The following EYS variants were observed in gnomAD, a reference collection of about 807,000 sequenced individuals.
The protein encoded by EYS is EGF-like photoreceptor maintenance factor, also known as protein eyes shut homolog.
A neutral mutation model predicts 282.1 loss-of-function variants in EYS; 250 were observed. The observed-to-expected ratio is 0.89, with a 90% CI of 0.80 to 0.98. EYS has a LOEUF of 0.98. Ranked by LOEUF, EYS falls within the 50% of genes least tolerant of loss-of-function variation. The pLI is 0.00. For synonymous variants in EYS, 1,355 were observed against 1,282.9 expected, an observed-to-expected ratio of 1.06 and a Z score of -1.20; for missense variants, 4,016 against 3,709.0, an observed-to-expected ratio of 1.08 and a Z score of -2.15.
At chr6:64,800,566 GCT>G (rs1032811747) in intron 22 of EYS, among the ~76,000 whole-genome samples, 2 of 105,034 alleles carry the variant, frequency 1.9e-5, no homozygotes, top group African/African-American at 6.5e-5. Context: ...TCCAAAGGAA[GCT>G]TTTTTTTTTT....
chr6:65,342,433 AATG>A (rs1401195873), intron 10 of EYS, among the ~76,000 whole-genome samples: 1 of 150,994 alleles, frequency 6.6e-6, no homozygotes, highest in Non-Finnish European at 1.5e-5. Context: ...AAGAACTTAA[AATG>A]ATTGTGTAAG....
At chr6:64,294,448 C>A (rs1481028806) in intron 30 of EYS, among the ~76,000 whole-genome samples, 1 of 152,134 alleles carries the variant, frequency 6.6e-6, no homozygotes, top group African/African-American at 2.4e-5. Flanking sequence ...GGACTTTTAG[C>A]TTCTCAATAA....
intron 12 of EYS, among the ~76,000 whole-genome samples, chr6:65,213,309 G>A (rs1350750972): frequency 6.6e-6 from 1 of 152,092 alleles, no homozygotes; most frequent in Non-Finnish European, 1.5e-5. Context: ...CTTCAAAGTT[G>A]TTTTTAGGTA....
At chr6:65,182,071 G>A (rs182527512) in intron 12 of EYS, among the ~76,000 whole-genome samples, 7 of 151,874 alleles carry the variant, frequency 4.6e-5, no homozygotes, top group African/African-American at 1.5e-4. Context: ...GTAGGGGTAG[G>A]GGGGAGGGAT....
At chr6:63,847,244 G>A (rs1772123228) in intron 36 of EYS, among the ~76,000 whole-genome samples, 1 of 152,156 alleles carries the variant, frequency 6.6e-6, no homozygotes, top group South Asian at 2.1e-4. Flanking sequence ...AACAAAGGAA[G>A]GCGTGTGGAA....
At chr6:64,003,472 T>C (rs1389861014) in intron 33 of EYS, among the ~76,000 whole-genome samples, 1 of 152,238 alleles carries the variant, frequency 6.6e-6, no homozygotes, top group Non-Finnish European at 1.5e-5. Context: ...ACACAAAGGA[T>C]ACATGCTTAT....
At chr6:64,963,920 A>G (rs1308690313) in intron 14 of EYS, among the ~76,000 whole-genome samples, 1 of 152,172 alleles carries the variant, frequency 6.6e-6, no homozygotes, top group Non-Finnish European at 1.5e-5. Context: ...ATAGAATTAC[A>G]ATATATTATG....
intron 31 of EYS, among the ~76,000 whole-genome samples, chr6:64,134,155 A>G (rs376690772): frequency 2.0e-5 from 3 of 152,122 alleles, no homozygotes; most frequent in East Asian, 3.8e-4. Flanking sequence ...TGGGCTTTCC[A>G]GTCCATGATA....
At chr6:64,709,019 TAC>T (rs36018580) in intron 22 of EYS, among the ~76,000 whole-genome samples, 134,873 of 151,040 alleles carry the variant, frequency 0.89, 61,372 homozygotes, top group Non-Finnish European at 0.99. Context: ...CATGCACACA[TAC>T]ACACACACAC....
chr6:63,768,521 A>G (rs912432318), intron 40 of EYS, among the ~76,000 whole-genome samples: 2 of 152,102 alleles, frequency 1.3e-5, no homozygotes, highest in Admixed American at 6.6e-5. Context: ...CAAAACCACA[A>G]TGAGAAACCA....
At chr6:63,870,211 TA>T (rs1234308782) in intron 35 of EYS, among the ~76,000 whole-genome samples, 3 of 152,174 alleles carry the variant, frequency 2.0e-5, no homozygotes, top group Admixed American at 6.5e-5. Flanking sequence ...TAAAAAGACA[TA>T]AAAAATTATC....
chr6:64,113,477 A>G (rs1426317853), intron 31 of EYS, among the ~76,000 whole-genome samples: 1 of 152,206 alleles, frequency 6.6e-6, no homozygotes, highest in Non-Finnish European at 1.5e-5. Flanking sequence ...ACAAGGAACA[A>G]TCTCTAGTTT....
chr6:64,739,710 C>T (rs1046555965), intron 22 of EYS, among the ~76,000 whole-genome samples: 1 of 152,042 alleles, frequency 6.6e-6, no homozygotes, highest in South Asian at 2.1e-4. Context: ...TAAAAAATTT[C>T]TATTTACCAC....
At chr6:65,023,205 A>T (rs1009035664) in intron 13 of EYS, among the ~76,000 whole-genome samples, 1 of 152,172 alleles carries the variant, frequency 6.6e-6, no homozygotes, top group Non-Finnish European at 1.5e-5. Context: ...CTATTAACTT[A>T]TAGTAAGTTA....
intron 12 of EYS, among the ~76,000 whole-genome samples, chr6:65,066,132 T>C (rs1278574903): frequency 1.3e-5 from 2 of 152,200 alleles, no homozygotes; most frequent in Non-Finnish European, 2.9e-5. Flanking sequence ...GCCTTTTCAT[T>C]CTGGATCCCA....
chr6:63,770,329 G>A (rs1769898966), intron 40 of EYS, among the ~76,000 whole-genome samples: 1 of 152,038 alleles, frequency 6.6e-6, no homozygotes, highest in African/African-American at 2.4e-5. Flanking sequence ...AGATTCTTAT[G>A]TATATGTTGA....
At chr6:63,812,922 T>C (rs377045858) in intron 36 of EYS, among the ~76,000 whole-genome samples, 2 of 152,306 alleles carry the variant, frequency 1.3e-5, no homozygotes, top group South Asian at 2.1e-4. Flanking sequence ...ATTCAGATAA[T>C]ATAATACATA....
At chr6:65,440,774 T>A (rs952853161) in intron 5 of EYS, among the ~76,000 whole-genome samples, 1 of 150,190 alleles carries the variant, frequency 6.7e-6, no homozygotes, top group Non-Finnish European at 1.5e-5. Context: ...TAATTTATAT[T>A]AATGTCTGCT....
intron 11 of EYS, among the ~76,000 whole-genome samples, chr6:65,313,198 C>T (rs964328437): frequency 6.6e-6 from 1 of 152,058 alleles, no homozygotes; most frequent in Non-Finnish European, 1.5e-5. Flanking sequence ...GGGGCCTATT[C>T]TTGTACCTCT....
Sources: allele counts gnomAD v4.1 joint callset (sites outside exome capture counted in the v4.1 genomes callset), GRCh38; gene constraint gnomAD v4.1.1; transcripts MANE v1.5; gene names NCBI Gene and HGNC (gene_info 2026-07-23, HGNC 2026-07-21).